The following RFPL1 variants were observed in gnomAD, a reference collection of about 807,000 sequenced individuals.
RFPL1 encodes ret finger protein like 1, also known as ret finger protein-like 1.
A neutral mutation model predicts 9.6 loss-of-function variants in RFPL1; 6 were observed. That is an observed-to-expected ratio of 0.62 (90% CI 0.34 to 1.23). The LOEUF is 1.23. Among genes scored for constraint, RFPL1 ranks in the 50% most tolerant of loss-of-function variants. RFPL1 has a pLI of 0.03. For missense variants in RFPL1, 352 were observed against 398.4 expected (o/e 0.88, Z 0.99); for synonymous variants, 145 against 149.4 (o/e 0.97, Z 0.22).
At chr22:29,403,924 A>G in the RFPL1 span, among the ~76,000 whole-genome samples, 3 of 152,278 alleles carry the variant, frequency 2.0e-5, no homozygotes. Flanking sequence ...GAGGCATTTT[A>G]TCCCGAGGGT....
At chr22:29,415,462 G>A in the RFPL1 span, among the ~76,000 whole-genome samples, 5 of 152,310 alleles carry the variant, frequency 3.3e-5, no homozygotes, top group Non-Finnish European at 7.4e-5. Flanking sequence ...GCATTGCACC[G>A]GGGCAAATGC....
At chr22:29,402,515 G>A in the RFPL1 span, among the ~76,000 whole-genome samples, 1 of 152,220 alleles carries the variant, frequency 6.6e-6, no homozygotes, top group Admixed American at 6.5e-5. Context: ...AAGGGAAAGT[G>A]TGATGTGTCC....
chr22:29,442,418 T>C lies in RFPL1; in HGVS notation c.*296T>C, dbSNP rs1274878396. 1.3e-5 allele frequency: 3 copies of C among 229,272 alleles called. No homozygotes were observed. In the East Asian group the frequency reaches 2.6e-4, roughly 20 times the overall value. The allele number at this position is 229,272 out of a possible 1,614,324, so 14.2% of individuals were successfully genotyped here. A position where few individuals can be genotyped will look rare whatever the true frequency, so the allele number is the denominator to read the frequency against. On this transcript the variant is annotated 3_prime_UTR_variant, in exon 2 of 2. Transcript: ENST00000354373. ...ATTTCTGTAAGTTCAAATTAATGTATTATAGAAGTTATGAGTTAAATAAAC... is the reference window on the plus strand; with the variant it reads ...ATTTCTGTAAGTTCAAATTAATGTACTATAGAAGTTATGAGTTAAATAAAC...
chr22:29,435,445 A>T (rs1229248420), upstream of RFPL1, among the ~76,000 whole-genome samples: 28 of 152,260 alleles, frequency 1.8e-4, no homozygotes. Flanking sequence ...GTTTTGGCAG[A>T]AAGTTTTTCT....
chr22:29,389,989 G>A, the RFPL1 span, among the ~76,000 whole-genome samples: 1 of 151,862 alleles, frequency 6.6e-6, no homozygotes, highest in Non-Finnish European at 1.5e-5. Flanking sequence ...AGTAGAGGCG[G>A]GGGTTTCACC....
the RFPL1 span, chr22:29,423,196 A>T: frequency 8.5e-7 from 1 of 1,170,542 alleles, no homozygotes. Flanking sequence ...CTTCTGCAAG[A>T]GAGAGAAGAG....
At chr22:29,389,860 G>A in the RFPL1 span, among the ~76,000 whole-genome samples, 5 of 151,514 alleles carry the variant, frequency 3.3e-5, no homozygotes, top group African/African-American at 4.9e-5. Context: ...GTGCAGTGTC[G>A]TGATTTTGGC....
chr22:29,393,599 C>T, the RFPL1 span, among the ~76,000 whole-genome samples: 14 of 152,048 alleles, frequency 9.2e-5, no homozygotes, highest in Admixed American at 2.0e-4. Flanking sequence ...GTGGGTGCCC[C>T]GGCCCTCTGA....
chr22:29,393,738 C>T, the RFPL1 span, among the ~76,000 whole-genome samples: 5 of 152,156 alleles, frequency 3.3e-5, no homozygotes, highest in Admixed American at 1.3e-4. Context: ...TACATACTTC[C>T]TGACAATAAT....
At chr22:29,426,409 A>G in the RFPL1 span, among the ~76,000 whole-genome samples, 2 of 151,782 alleles carry the variant, frequency 1.3e-5, no homozygotes, top group Non-Finnish European at 2.9e-5. Context: ...TGGAATATAT[A>G]GACTAATAGA....
At chr22:29,403,644 G>A in the RFPL1 span, among the ~76,000 whole-genome samples, 1 of 152,176 alleles carries the variant, frequency 6.6e-6, no homozygotes, top group Non-Finnish European at 1.5e-5. Flanking sequence ...AGGTAATAAA[G>A]TGATAAATAG....
chr22:29,419,589 G>A, the RFPL1 span, among the ~76,000 whole-genome samples: 1 of 152,048 alleles, frequency 6.6e-6, no homozygotes, highest in African/African-American at 2.4e-5. Context: ...CAGATCACGA[G>A]GCCAGGAGAT....
chr22:29,431,925 C>T, the RFPL1 span, among the ~76,000 whole-genome samples: 6,119 of 152,060 alleles, frequency 0.04, 166 homozygotes, highest in Admixed American at 0.073. Flanking sequence ...AACTCCTGAC[C>T]TCGTGATCTA....
chr22:29,435,790 G>T (rs922660846), upstream of RFPL1, among the ~76,000 whole-genome samples: 1 of 152,182 alleles, frequency 6.6e-6, no homozygotes, highest in African/African-American at 2.4e-5. Flanking sequence ...CAAGTTATTT[G>T]AAATTTGAAA....
At chr22:29,399,315 T>C in the RFPL1 span, among the ~76,000 whole-genome samples, 11 of 152,124 alleles carry the variant, frequency 7.2e-5, no homozygotes, top group Non-Finnish European at 1.6e-4. Context: ...CCCAGTATAG[T>C]CCTGCTTAGC....
upstream of RFPL1, chr22:29,437,283 T>C (rs543019623): frequency 4.6e-5 from 10 of 217,300 alleles, no homozygotes; most frequent in South Asian, 1.3e-4. Context: ...GTCTGATGTA[T>C]ATGAATTTAA....
the RFPL1 span, among the ~76,000 whole-genome samples, chr22:29,414,349 T>A: frequency 1.8e-4 from 28 of 152,244 alleles, no homozygotes; most frequent in African/African-American, 6.8e-4. Flanking sequence ...CTGTTAACTT[T>A]TAGCAAAACA....
chr22:29,388,112 G>A, the RFPL1 span, among the ~76,000 whole-genome samples: 3 of 152,240 alleles, frequency 2.0e-5, no homozygotes, highest in Non-Finnish European at 2.9e-5. Context: ...TCCGAAAGAG[G>A]AAATCAGAGC....
chr22:29,399,635 T>A, the RFPL1 span, among the ~76,000 whole-genome samples: 1 of 152,220 alleles, frequency 6.6e-6, no homozygotes, highest in Non-Finnish European at 1.5e-5. Context: ...TTTACTTAAA[T>A]CTTTTCAACT....
Sources: allele counts gnomAD v4.1 joint callset (sites outside exome capture counted in the v4.1 genomes callset), GRCh38; gene constraint gnomAD v4.1.1; transcripts MANE v1.5; gene names NCBI Gene and HGNC (gene_info 2026-07-23, HGNC 2026-07-21).